CAMK1D: variants seen among roughly 807,000 people sequenced by gnomAD.
CAMK1D encodes the protein calcium/calmodulin dependent protein kinase ID, also known as calcium/calmodulin-dependent protein kinase type 1D.
A neutral mutation model predicts 47.7 loss-of-function variants in CAMK1D; 9 were observed. The observed-to-expected ratio is 0.19, with a 90% CI of 0.11 to 0.33. The LOEUF (loss-of-function observed/expected upper bound fraction) is 0.33, where lower values mean the gene tolerates loss of function less well. Ranked by LOEUF, CAMK1D falls within the 10% of genes least tolerant of loss-of-function variation. The pLI is 1.00. For missense variants in CAMK1D, 291 were observed against 488.7 expected (o/e 0.60, Z 3.81); for synonymous variants, 184 against 184.9 (o/e 0.99, Z 0.04).
intron 1 of CAMK1D, among the ~76,000 whole-genome samples, chr10:12,411,601 C>CTT (rs35221185): frequency 6.9e-6 from 1 of 145,468 alleles, no homozygotes; most frequent in African/African-American, 2.5e-5. Context: ...TACCTGGCTT[C>CTT]TTTTTTTTTT....
At chr10:12,680,662 C>T (rs529381804) in intron 3 of CAMK1D, among the ~76,000 whole-genome samples, 9 of 151,916 alleles carry the variant, frequency 5.9e-5, no homozygotes, top group East Asian at 3.9e-4. Flanking sequence ...ATGTTTCCCA[C>T]GAGGAAGAAG....
At chr10:12,388,841 G>T (rs374100095) in intron 1 of CAMK1D, among the ~76,000 whole-genome samples, 8 of 152,158 alleles carry the variant, frequency 5.3e-5, no homozygotes, top group African/African-American at 1.9e-4. Context: ...GATGCAGCAC[G>T]AATGTGATTT....
At chr10:12,493,726 T>C (rs1367271196) in intron 1 of CAMK1D, among the ~76,000 whole-genome samples, 1 of 152,178 alleles carries the variant, frequency 6.6e-6, no homozygotes, top group South Asian at 2.1e-4. Flanking sequence ...ACTCCTGACC[T>C]CTGGTGATCT....
chr10:12,552,377 C>T (rs1011123397), intron 1 of CAMK1D, among the ~76,000 whole-genome samples: 5 of 152,192 alleles, frequency 3.3e-5, no homozygotes, highest in African/African-American at 9.7e-5. Flanking sequence ...AATTAATTAC[C>T]CTGTGTCTGT....
intron 1 of CAMK1D, among the ~76,000 whole-genome samples, chr10:12,514,829 CTTTAT>C (rs897232051): frequency 5.3e-5 from 8 of 151,776 alleles, no homozygotes; most frequent in South Asian, 4.2e-4. Flanking sequence ...CGTTTATAGC[CTTTAT>C]TTTATTTTAT....
At chr10:12,424,116 C>T (rs745852351) in intron 1 of CAMK1D, among the ~76,000 whole-genome samples, 3 of 152,170 alleles carry the variant, frequency 2.0e-5, no homozygotes, top group African/African-American at 4.8e-5. Context: ...CGGGGCCACT[C>T]GGTGGGATAA....
chr10:12,826,532 C>A (rs1009338625), intron 10 of CAMK1D, among the ~76,000 whole-genome samples: 1 of 152,218 alleles, frequency 6.6e-6, no homozygotes, highest in Admixed American at 6.5e-5. Flanking sequence ...CTCTCCCCAA[C>A]TGCTCCTCTC....
chr10:12,674,421 C>T lies in CAMK1D; in HGVS notation c.299+7611C>T, dbSNP rs1480178256. 3.3e-5 allele frequency among the ~76,000 whole-genome samples: 5 copies of T among 152,098 alleles called. No individual in the cohort carries two copies. In the East Asian group the frequency reaches 9.6e-4, roughly 29 times the overall value. On this transcript the variant is annotated intron_variant, in intron 3 of 10. Coordinates refer to ENST00000619168, the MANE Select transcript of CAMK1D (RefSeq NM_153498.4). ...CGGAAAGTTTTAGTTTCCTAGGAAA[C>T]AGCATCGTGGGCACTGAGATACAAC...
intron 1 of CAMK1D, among the ~76,000 whole-genome samples, chr10:12,365,478 G>A (rs1222033208): frequency 2.6e-5 from 4 of 151,466 alleles, no homozygotes; most frequent in African/African-American, 2.4e-5. Context: ...TCGCTCTGTC[G>A]CCCAGGCTGG....
intron 3 of CAMK1D, among the ~76,000 whole-genome samples, chr10:12,739,776 C>T (rs924856579): frequency 5.3e-5 from 8 of 151,990 alleles, no homozygotes; most frequent in Admixed American, 1.3e-4. Context: ...TCAAAAGACC[C>T]CTAATTGTAT....
chr10:12,438,534 T>C (rs1832696942), intron 1 of CAMK1D, among the ~76,000 whole-genome samples: 1 of 152,214 alleles, frequency 6.6e-6, no homozygotes, highest in South Asian at 2.1e-4. Flanking sequence ...TATCTTTCTT[T>C]AAAAAAATTT....
At chr10:12,805,257 A>T (rs894319944) in intron 6 of CAMK1D, among the ~76,000 whole-genome samples, 1 of 151,914 alleles carries the variant, frequency 6.6e-6, no homozygotes, top group African/African-American at 2.4e-5. Flanking sequence ...GACTGTCTCA[A>T]AAAAAAGAAA....
chr10:12,517,086 C>A (rs7092096), intron 1 of CAMK1D, among the ~76,000 whole-genome samples: 43,226 of 152,026 alleles, frequency 0.28, 6,343 homozygotes, highest in East Asian at 0.38. Flanking sequence ...AGCATTTTAT[C>A]CTGTATGTAC....
At chr10:12,686,001 G>A (rs1832646092) in intron 3 of CAMK1D, among the ~76,000 whole-genome samples, 1 of 152,198 alleles carries the variant, frequency 6.6e-6, no homozygotes, top group Non-Finnish European at 1.5e-5. Flanking sequence ...TACATTCACT[G>A]TGTAGATAAA....
chr10:12,645,445 C>T (rs1564464739), intron 2 of CAMK1D, among the ~76,000 whole-genome samples: 1 of 152,286 alleles, frequency 6.6e-6, no homozygotes, highest in African/African-American at 2.4e-5. Context: ...CACTGGTTGA[C>T]GTATCTGGTC....
At chr10:12,494,852 A>G (rs1834490428) in intron 1 of CAMK1D, among the ~76,000 whole-genome samples, 1 of 152,154 alleles carries the variant, frequency 6.6e-6, no homozygotes, top group East Asian at 1.9e-4. Flanking sequence ...TACAGGCGTG[A>G]ACCACTGTGC....
chr10:12,778,625 C>T (rs1274055070), intron 5 of CAMK1D, among the ~76,000 whole-genome samples: 1 of 152,120 alleles, frequency 6.6e-6, no homozygotes, highest in African/African-American at 2.4e-5. Context: ...GCCTATAATC[C>T]CAGCACCTTG....
chr10:12,795,158 G>T (rs567289280), intron 6 of CAMK1D, among the ~76,000 whole-genome samples: 16 of 152,214 alleles, frequency 1.1e-4, no homozygotes, highest in South Asian at 2.1e-4. Flanking sequence ...CATCAAGGCG[G>T]GTCTAGAAGG....
At chr10:12,446,191 A>G (rs1344585365) in intron 1 of CAMK1D, among the ~76,000 whole-genome samples, 1 of 152,202 alleles carries the variant, frequency 6.6e-6, no homozygotes, top group Non-Finnish European at 1.5e-5. Context: ...AGTAAAGTGC[A>G]AGCAAGTTTA....
Sources: gnomAD v4.1 joint callset for allele counts (sites outside exome capture counted in the v4.1 genomes callset) on GRCh38, gnomAD v4.1.1 for gene constraint, MANE v1.5 for transcripts, NCBI Gene and HGNC (gene_info 2026-07-23, HGNC 2026-07-21) for gene names.